Variants in SYNE3 observed in about 807,000 individuals in gnomAD.
SYNE3 encodes spectrin repeat containing nuclear envelope family member 3.
A neutral mutation model predicts 111.2 loss-of-function variants in SYNE3; 100 were observed. The ratio of observed to expected loss-of-function variants is 0.90; its 90% CI spans 0.77 to 1.06. The LOEUF (loss-of-function observed/expected upper bound fraction) is 1.06. Among genes scored for constraint, SYNE3 ranks in the 50% least tolerant of loss-of-function variants. The pLI, the probability that SYNE3 is intolerant of heterozygous loss-of-function variation, is 0.00. For synonymous variants in SYNE3, 547 were observed against 533.9 expected (o/e 1.02, Z -0.34); for missense variants, 1,160 against 1,240.3 (o/e 0.94, Z 0.97).
chr14:95,491,472 G>A (rs1428680051), intron 1 of SYNE3, among the ~76,000 whole-genome samples: 1 of 152,016 alleles, frequency 6.6e-6, no homozygotes, highest in African/African-American at 2.4e-5. Context: ...ACAATTCAAT[G>A]GAAAAGGATA....
intron 17 of SYNE3, among the ~76,000 whole-genome samples, chr14:95,428,045 G>A (rs1444520678): frequency 6.6e-6 from 1 of 152,222 alleles, no homozygotes; most frequent in East Asian, 1.9e-4. Context: ...CCAAGATGGT[G>A]CATCTGATTG....
chr14:95,425,959 A>G (rs1250751016), intron 17 of SYNE3, among the ~76,000 whole-genome samples: 1 of 152,180 alleles, frequency 6.6e-6, no homozygotes, highest in Non-Finnish European at 1.5e-5. Flanking sequence ...CATCGACCCC[A>G]GTGCCCCAGG....
At chr14:95,449,256 G>A (rs1390407563) in intron 8 of SYNE3, among the ~76,000 whole-genome samples, 1 of 151,660 alleles carries the variant, frequency 6.6e-6, no homozygotes, top group Non-Finnish European at 1.5e-5. Context: ...GTACAAAGCA[G>A]TTACGGTAAT....
chr14:95,433,579 G>C (rs1885917166), intron 15 of SYNE3, among the ~76,000 whole-genome samples, 170 bp from the exon 16 acceptor site: 1 of 152,218 alleles, frequency 6.6e-6, no homozygotes, highest in Non-Finnish European at 1.5e-5. Context: ...CCAAGGCCTA[G>C]CCCTTGCTCT....
intron 17 of SYNE3, among the ~76,000 whole-genome samples, chr14:95,428,413 A>G (rs1333020079): frequency 6.6e-6 from 1 of 152,212 alleles, no homozygotes; most frequent in Non-Finnish European, 1.5e-5. Flanking sequence ...AATTCCAGAG[A>G]TGTGAAAATG....
At chr14:95,504,628 T>A (rs1442535845) in intron 1 of SYNE3, among the ~76,000 whole-genome samples, 1 of 152,180 alleles carries the variant, frequency 6.6e-6, no homozygotes. Context: ...ATCTGAATCA[T>A]TGCTGGACTG....
At chr14:95,495,431 T>G (rs1480387353) in intron 1 of SYNE3, among the ~76,000 whole-genome samples, 1 of 152,238 alleles carries the variant, frequency 6.6e-6, no homozygotes, top group Non-Finnish European at 1.5e-5. Flanking sequence ...GGTCTTGATC[T>G]TAGGGTGCCA....
chr14:95,515,392 C>T (rs1398667170), intron 1 of SYNE3, among the ~76,000 whole-genome samples: 1 of 152,244 alleles, frequency 6.6e-6, no homozygotes, highest in Admixed American at 6.5e-5. Flanking sequence ...CAGCTCCTGA[C>T]TCCTATGGGC....
chr14:95,461,218 G>GAGCAGCTCTGATTCATCACA (rs999784424), intron 4 of SYNE3, among the ~76,000 whole-genome samples: 6 of 152,204 alleles, frequency 3.9e-5, no homozygotes, highest in South Asian at 2.1e-4. Context: ...AGGGCTGCAC[G>GAGCAGCTCTGATTCATCACA]AGCAGCTCTG....
At position 95,455,707 on chromosome 14, in the gene SYNE3, A is replaced by G; in HGVS notation, c.807T>C (p.Phe269=). 6.2e-7 allele frequency: 1 copy of G among 1,614,092 alleles called. No individual in the cohort carries two copies. ...TCTCCAGAGACTCCTCGCCCCTGGG[A>G]AAATCTTTGGCAATGTCCTGAAGAG... ...LSTLQDIAKD[F]PRGEESLETL... is the part of the protein sequence containing the mutation. The change falls in exon 6 of 18, where the codon TTT becomes TTC. Residue 269 remains phenylalanine, a synonymous_variant. Transcript: ENST00000682763.
At chr14:95,501,218 T>C (rs1360181800) in intron 1 of SYNE3, among the ~76,000 whole-genome samples, 1 of 152,204 alleles carries the variant, frequency 6.6e-6, no homozygotes, top group Non-Finnish European at 1.5e-5. Context: ...TTGCATTTTC[T>C]TCAGAGCACA....
In SYNE3 at chr14:95,466,152, G is replaced by A. The variant is rs1432365855; in HGVS notation, c.406C>T (p.Leu136=). The A allele has an allele frequency of 1.2e-6, 2 of 1,609,008 alleles. No individual in the cohort carries two copies. The highest frequency in any genetic ancestry group is 1.7e-5 in the Admixed American group (1 of 59,936). ...YRWFQKMMVT[L]EPHIELQLGL... Reference sequence around the variant, plus strand: ...AGCTGGAGCTCGATGTGGGGCTCCAGTGTGACCATCATCTTCTGGAACCAG... The same window carrying A: ...AGCTGGAGCTCGATGTGGGGCTCCAATGTGACCATCATCTTCTGGAACCAG... Residue 136 remains leucine (L), a synonymous_variant, in exon 4 of 18, where the codon CTG becomes TTG. Coordinates refer to ENST00000682763, the MANE Select transcript of SYNE3 (RefSeq NM_152592.6).
chr14:95,512,276 A>C (rs190338273), intron 1 of SYNE3, among the ~76,000 whole-genome samples: 4 of 152,354 alleles, frequency 2.6e-5, no homozygotes, highest in African/African-American at 4.8e-5. Context: ...TTTCTAAGAA[A>C]GCATCTGAAA....
chr14:95,506,925 C>T (rs1415554891), intron 1 of SYNE3, among the ~76,000 whole-genome samples: 2 of 152,332 alleles, frequency 1.3e-5, no homozygotes, highest in East Asian at 3.9e-4. Flanking sequence ...CAGAGAAACT[C>T]CATCAAAGTC....
At chr14:95,435,042 A>G (rs2139379995) in intron 15 of SYNE3, among the ~76,000 whole-genome samples, 1 of 152,394 alleles carries the variant, frequency 6.6e-6, no homozygotes. Context: ...CAAGAAACCA[A>G]GAGTAAGAAC....
intron 1 of SYNE3, among the ~76,000 whole-genome samples, chr14:95,494,146 G>GA (rs11321589): frequency 1.1e-4 from 16 of 150,566 alleles, no homozygotes; most frequent in Non-Finnish European, 1.8e-4. Context: ...TTAAAAAAAA[G>GA]AAAAAAAAAA....
chr14:95,429,761 A>G (rs1216485071), intron 17 of SYNE3, among the ~76,000 whole-genome samples: 1 of 152,158 alleles, frequency 6.6e-6, no homozygotes, highest in Admixed American at 6.5e-5. Flanking sequence ...TTCTGGTCAT[A>G]GACAAGATAC....
chr14:95,467,955 G>C lies in SYNE3; in HGVS notation c.157C>G (p.Leu53Val). 6.2e-7 allele frequency: 1 copy of C among 1,611,310 alleles called. No homozygotes were observed. Among genetic ancestry groups the C allele is most frequent in the Non-Finnish European group, 8.5e-7 (1 of 1,178,216 alleles). Residue 53 changes from leucine to valine, a missense_variant, in exon 3 of 18, where the codon CTG (leucine) becomes GTG (valine). By Grantham distance (32) the Leu-to-Val change is conservative. Transcript: ENST00000682763. Reference protein sequence around the residue: ...RLWETEKICQLEPEGRVRVDL... With the variant: ...RLWETEKICQVEPEGRVRVDL... ...ACCCTCACACGCCCCTCGGGCTCCA[G>C]CTGGCATATTTTCTGTTGTGGACAC...
rs966098049 is a variant in SYNE3, at chr14:95,500,224, C to T, written c.-15+16372G>A. The stretch of plus-strand genomic sequence containing the variant: ...GAGACCTTCTCCCCAGAACCTTCAC[C>T]TCCTTGGAGTCCAAGGTCGACTGTT... On this transcript the variant is annotated intron_variant, in intron 1 of 17. Coordinates refer to ENST00000682763, the MANE Select transcript of SYNE3 (RefSeq NM_152592.6). The surrounding 1 kb of genome is among the most constrained non-coding windows in gnomAD (Gnocchi z 4.7). Among the ~76,000 whole-genome samples, 1 of 152,208 alleles carries T rather than the reference C, an allele frequency of 6.6e-6. No individual in the cohort carries two copies. The highest frequency in any genetic ancestry group is 6.5e-5 in the Admixed American group (1 of 15,280).
Sources: allele counts gnomAD v4.1 joint callset (sites outside exome capture counted in the v4.1 genomes callset), GRCh38; gene constraint gnomAD v4.1.1; non-coding constraint Gnocchi (gnomAD v3.1); transcripts MANE v1.5; gene names NCBI Gene and HGNC (gene_info 2026-07-23, HGNC 2026-07-21).